Variants in GALM observed in about 807,000 individuals in gnomAD.
GALM encodes galactose mutarotase, also known as aldose 1-epimerase.
In GALM, 43 loss-of-function variants were observed where a neutral mutation model predicts 37.4. That is an observed-to-expected ratio of 1.15 (90% CI 0.90 to 1.48). The LOEUF (loss-of-function observed/expected upper bound fraction) is 1.48. Ranked by LOEUF, GALM falls within the 40% of genes most tolerant of loss-of-function variation. GALM has a pLI of 0.00. For synonymous variants in GALM, 199 were observed against 170.6 expected (o/e 1.17, Z -1.30); for missense variants, 456 against 419.1 (o/e 1.09, Z -0.77).
intron 1 of GALM, among the ~76,000 whole-genome samples, chr2:38,667,105 A>C (rs1041181612): frequency 1.3e-5 from 2 of 152,174 alleles, no homozygotes; most frequent in African/African-American, 4.8e-5. Flanking sequence ...ATAAATAAAG[A>C]ATGACAATTG....
intron 2 of GALM, among the ~76,000 whole-genome samples, chr2:38,677,165 C>A (rs1379927304): frequency 6.6e-6 from 1 of 152,230 alleles, no homozygotes; most frequent in Non-Finnish European, 1.5e-5. Flanking sequence ...GGGTTAACCC[C>A]AGTGATTGCT....
chr2:38,673,705 G>T (rs1013490423), intron 1 of GALM, among the ~76,000 whole-genome samples: 2 of 151,774 alleles, frequency 1.3e-5, no homozygotes, highest in African/African-American at 4.8e-5. Context: ...AGCTACTCGG[G>T]AGGCTGAGGC....
chr2:38,682,190 G>C (rs947369261), intron 3 of GALM: 3 of 402,314 alleles, frequency 7.5e-6, no homozygotes, highest in African/African-American at 6.1e-5. Flanking sequence ...TAGAGCTGCT[G>C]ACAACCCCCC....
chr2:38,695,957 C>T (rs1419456364), intron 4 of GALM, among the ~76,000 whole-genome samples: 1 of 152,044 alleles, frequency 6.6e-6, no homozygotes, highest in Non-Finnish European at 1.5e-5. Flanking sequence ...CCTTAGCCTC[C>T]CGAAGTGCTG....
intron 1 of GALM, among the ~76,000 whole-genome samples, chr2:38,675,472 G>T (rs1453958589): frequency 6.6e-6 from 1 of 150,586 alleles, no homozygotes; most frequent in East Asian, 1.9e-4. Context: ...GCATTCGTCT[G>T]AAGAAGGTGA....
At chr2:38,688,753 C>T (rs1384587589) in intron 3 of GALM, among the ~76,000 whole-genome samples, 1 of 152,182 alleles carries the variant, frequency 6.6e-6, no homozygotes, top group African/African-American at 2.4e-5. Context: ...CACAATGCAC[C>T]TTTCCTACAC....
At position 38,710,392 on chromosome 2, in the gene GALM, T is replaced by A. The variant is rs1292103710; in HGVS notation, c.635-19164T>A. ...CAGGATGCTTACTGTGCATCTTGGG[T>A]CAACATGTCAAAAAGGCCTTCCTGT... On this transcript the variant is annotated intron_variant, in intron 4 of 6. Transcript: ENST00000272252. 5.3e-5 allele frequency among the ~76,000 whole-genome samples: 8 copies of A among 152,176 alleles called. No individual in the cohort carries two copies. The South Asian group carries it at 1.0e-3, about 20-fold the overall frequency.
At chr2:38,694,702 A>G (rs757918566) in intron 4 of GALM, among the ~76,000 whole-genome samples, 1 of 151,874 alleles carries the variant, frequency 6.6e-6, no homozygotes, top group Non-Finnish European at 1.5e-5. Context: ...CGAGACCATC[A>G]TGGCTAACAT....
chr2:38,721,415 G>T (rs1010872783), intron 4 of GALM, among the ~76,000 whole-genome samples: 1 of 152,050 alleles, frequency 6.6e-6, no homozygotes, highest in Non-Finnish European at 1.5e-5. Context: ...GTCATCCCCC[G>T]TCCCAGTCAC....
chr2:38,715,802 A>G (rs1188294141), intron 4 of GALM, among the ~76,000 whole-genome samples: 1 of 152,226 alleles, frequency 6.6e-6, no homozygotes, highest in Non-Finnish European at 1.5e-5. Flanking sequence ...AGTAACAGCC[A>G]TATTACTGAG....
At chr2:38,710,672 T>G (rs1666133425) in intron 4 of GALM, among the ~76,000 whole-genome samples, 1 of 152,084 alleles carries the variant, frequency 6.6e-6, no homozygotes, top group Admixed American at 6.5e-5. Flanking sequence ...CCCAAAGCGC[T>G]GAGATTACAG....
rs1394723156 is a variant in GALM, at chr2:38,666,230, G to C, written c.69G>C (p.Gln23His). ...GAGGAGGGACAGTGGAGAAGTTCCA[G>C]CTGCAGTCAGACCTCTTGAGAGTGG... ...PSGGGTVEKF[Q>H]LQSDLLRVDI... is the part of the protein sequence containing the mutation. Residue 23 changes from glutamine (Q) to histidine (H), a missense_variant, in exon 1 of 7, where the codon CAG becomes CAC. Gln to His is a conservative substitution (Grantham distance 24). Coordinates refer to ENST00000272252, the MANE Select transcript of GALM (RefSeq NM_138801.3). 1 of 1,614,104 alleles carries C rather than the reference G, an allele frequency of 6.2e-7. No homozygotes were observed. The highest frequency in any genetic ancestry group is 1.1e-5 in the South Asian group (1 of 91,074).
At chr2:38,678,480 T>C (rs1324677033) in intron 2 of GALM, among the ~76,000 whole-genome samples, 1 of 152,202 alleles carries the variant, frequency 6.6e-6, no homozygotes, top group African/African-American at 2.4e-5. Flanking sequence ...ATCTTTCCAT[T>C]GTGTCCTTTC....
chr2:38,718,559 C>A (rs1529625), intron 4 of GALM, among the ~76,000 whole-genome samples: 87,677 of 151,460 alleles, frequency 0.58, 26,766 homozygotes, highest in East Asian at 0.86. Context: ...CTACTCATTT[C>A]CCAAATTTTT....
rs186704062 is a variant in GALM at position 38,689,791 on chromosome 2, T to C, written c.553-22T>C. 5.2e-4 allele frequency: 743 copies of C among 1,425,458 alleles called. 10 individuals are homozygous for C. The African/African-American group carries it at 9.8e-3, about 19-fold the overall frequency. 88.3% of individuals were successfully genotyped at this position (1,425,458 alleles called of 1,614,324 possible). A position where few individuals can be genotyped will look rare whatever the true frequency, so the allele number is the denominator to read the frequency against. On this transcript the variant is annotated intron_variant, in intron 3 of 6. Coordinates refer to ENST00000272252, the MANE Select transcript of GALM (RefSeq NM_138801.3). ...TGAAATAAGACTAAGCAGAAAACCT[T>C]TCCCCTACCTTTTCCTCCCAGGCTT...
chr2:38,695,033 C>T (rs916116724), intron 4 of GALM, among the ~76,000 whole-genome samples: 4 of 151,850 alleles, frequency 2.6e-5, no homozygotes, highest in African/African-American at 9.7e-5. Context: ...TATGCAGAAT[C>T]TTGTTATGAA....
intron 1 of GALM, among the ~76,000 whole-genome samples, chr2:38,667,977 T>G (rs1664999721): frequency 6.6e-6 from 1 of 152,094 alleles, no homozygotes; most frequent in South Asian, 2.1e-4. Flanking sequence ...CCAAGAAAAA[T>G]CTGAACACAG....
intron 5 of GALM, among the ~76,000 whole-genome samples, chr2:38,730,290 G>A (rs1442802024): frequency 6.6e-6 from 1 of 152,150 alleles, no homozygotes; most frequent in Non-Finnish European, 1.5e-5. Context: ...TGTGTGTGAC[G>A]GAGTCTTGCT....
intron 4 of GALM, among the ~76,000 whole-genome samples, chr2:38,721,919 C>G (rs373075418): frequency 6.6e-6 from 1 of 152,004 alleles, no homozygotes; most frequent in East Asian, 1.9e-4. Context: ...CTTCCATGAT[C>G]GCTATTCTAG....
Sources: allele counts gnomAD v4.1 joint callset (sites outside exome capture counted in the v4.1 genomes callset), GRCh38; gene constraint gnomAD v4.1.1; transcripts MANE v1.5; gene names NCBI Gene and HGNC (gene_info 2026-07-23, HGNC 2026-07-21).